Variants in ZDHHC5 observed in about 807,000 individuals in gnomAD.
ZDHHC5 encodes palmitoyltransferase ZDHHC5.
A neutral mutation model predicts 70.0 loss-of-function variants in ZDHHC5; 22 were observed. The ratio of observed to expected loss-of-function variants is 0.31; its 90% CI spans 0.22 to 0.45. The LOEUF (loss-of-function observed/expected upper bound fraction) is 0.45, where lower values mean the gene tolerates loss of function less well. ZDHHC5 is among the 20% of genes least tolerant of loss of function. The pLI is 1.00. For synonymous variants in ZDHHC5, 313 were observed against 347.8 expected (o/e 0.90, Z 1.11); for missense variants, 746 against 926.9 (o/e 0.80, Z 2.53).
At position 57,691,132 on chromosome 11, in the gene ZDHHC5, C is replaced by T. The variant is rs866161728; in HGVS notation, c.660+695C>T. Among the ~76,000 whole-genome samples the T allele has an allele frequency of 1.1e-4, 16 of 152,128 alleles. 2 individuals are homozygous for T. The South Asian group carries it at 3.1e-3, about 30-fold the overall frequency. On this transcript the variant is annotated intron_variant, in intron 6 of 11. Transcript: ENST00000287169. ...TGTCGCCCAGGCTGGCATCCAGTGG[C>T]GTGATCTTGGCTCACTGCAACCTCT...
intron 8 of ZDHHC5, 111 bp from the exon 9 acceptor site, chr11:57,695,809 A>G (rs1946342682): frequency 7.0e-7 from 1 of 1,427,806 alleles, no homozygotes; most frequent in Non-Finnish European, 9.2e-7. Context: ...AAAAAAAAAA[A>G]AATACATGAG....
intron 4 of ZDHHC5, among the ~76,000 whole-genome samples, chr11:57,689,127 T>A (rs1946248748): frequency 6.6e-6 from 1 of 152,186 alleles, no homozygotes; most frequent in Non-Finnish European, 1.5e-5. Context: ...GCATTTTCTC[T>A]TCCAGAAAAT....
At chr11:57,699,759 G>T in intron 11 of ZDHHC5, 107 bp from the exon 12 acceptor site, 2 of 1,401,664 alleles carry the variant, frequency 1.4e-6, no homozygotes, top group Non-Finnish European at 9.9e-7. Context: ...AGAAAGTATG[G>T]ATATAGAAAA....
rs778169032 is a variant in ZDHHC5 at position 57,695,975 on chromosome 11, C to T, written c.941C>T (p.Pro314Leu). 7 of 1,614,028 alleles carry T rather than the reference C, an allele frequency of 4.3e-6. No individual in the cohort carries two copies. The highest frequency in any genetic ancestry group is 5.1e-6 in the Non-Finnish European group (6 of 1,180,042). Residue 314 changes from proline (P) to leucine (L), a missense_variant, in exon 9 of 12, where the codon CCT (proline) becomes CTT (leucine). Physicochemically the swap from Pro to Leu is moderately conservative, Grantham distance 98 (BLOSUM62 -3). Around this residue, in one of 6 missense-constraint regions of ZDHHC5, gnomAD observed 179 missense variants for 178.4 expected, o/e 1.00. Coordinates refer to ENST00000287169, the MANE Select transcript of ZDHHC5 (RefSeq NM_015457.3). ...ESQSADAEPP[P>L]PPKPDLSRYT... ...CAGTCTGCAGATGCTGAACCTCCAC[C>T]TCCTCCTAAGCCAGACCTGAGCCGT...
intron 2 of ZDHHC5, among the ~76,000 whole-genome samples, chr11:57,682,119 A>T (rs1946156773): frequency 6.6e-6 from 1 of 152,204 alleles, no homozygotes; most frequent in Non-Finnish European, 1.5e-5. Context: ...GGAGATAAGG[A>T]CAGATCTCAA....
rs751371240 is a variant in ZDHHC5 at position 57,698,870 on chromosome 11, C to G, written c.1434C>G (p.Asp478Glu). 59 of 1,614,116 alleles carry G rather than the reference C, an allele frequency of 3.7e-5. No individual in the cohort carries two copies. Among genetic ancestry groups the G allele is most frequent in the Non-Finnish European group, 4.1e-5 (48 of 1,180,046 alleles). ...ATGACAGCTTGCTCACACCTTCAGACAGCCCTGATTTTGAGTCAGTGCAGG... is the reference window on the plus strand; with the variant it reads ...ATGACAGCTTGCTCACACCTTCAGAGAGCCCTGATTTTGAGTCAGTGCAGG... ...LSYDSLLTPS[D>E]SPDFESVQAG... The change falls in exon 11 of 12, where the codon GAC becomes GAG. Residue 478 changes from aspartate (D) to glutamate (E), a missense_variant. This residue lies in a region of ZDHHC5 where 340 missense variants were observed against 350.1 expected (regional missense o/e 0.97). Transcript: ENST00000287169.
At chr11:57,673,926 G>A (rs899958514) in intron 2 of ZDHHC5, among the ~76,000 whole-genome samples, 7 of 152,156 alleles carry the variant, frequency 4.6e-5, no homozygotes, top group African/African-American at 1.7e-4. Flanking sequence ...TGAAACTTAG[G>A]TTTGAGATTG....
rs768199834 is a variant in ZDHHC5 at position 57,699,905 on chromosome 11, C to T, written c.2022C>T (p.Asn674=). The T allele has an allele frequency of 1.5e-5, 24 of 1,614,132 alleles. No individual in the cohort carries two copies. In the East Asian group the frequency reaches 1.8e-4, roughly 12 times the overall value. Residue 674 remains asparagine, a synonymous_variant, in exon 12 of 12, where the codon AAC becomes AAT. Transcript: ENST00000287169. ...TGAAGACCACCTACAGCAAATCCAA[C>T]GGGCAGCCCAAGAGCTTAGGCTCAG... ...VQLKTTYSKS[N]GQPKSLGSAS...
chr11:57,683,106 AG>A (rs1310780639), intron 3 of ZDHHC5, among the ~76,000 whole-genome samples: 1 of 152,230 alleles, frequency 6.6e-6, no homozygotes. Context: ...CACATGCAGA[AG>A]CTTGTAGCCA....
chr11:57,686,681 A>G (rs1397534020), intron 3 of ZDHHC5, among the ~76,000 whole-genome samples: 1 of 152,224 alleles, frequency 6.6e-6, no homozygotes, highest in Admixed American at 6.5e-5. Flanking sequence ...ACGAAGTACA[A>G]AAAAGGCAAA....
intron 2 of ZDHHC5, among the ~76,000 whole-genome samples, chr11:57,681,984 C>CT (rs1226496205): frequency 6.6e-6 from 1 of 152,152 alleles, no homozygotes; most frequent in African/African-American, 2.4e-5. Context: ...AGGTGGTATC[C>CT]CATGCTTTGG....
In ZDHHC5 at chr11:57,699,305, AC is replaced by A; in HGVS notation, c.1871del (p.Pro624GlnfsTer35). The A allele has an allele frequency of 6.2e-7, 1 of 1,614,180 alleles. No individual in the cohort carries two copies. The highest frequency in any genetic ancestry group is 8.5e-7 in the Non-Finnish European group (1 of 1,180,012). On this transcript the variant is annotated frameshift_variant, in exon 11 of 12. Transcript: ENST00000287169. LOFTEE classifies it high-confidence loss of function. ...GGGGCCGGGGAGTAGGGTCCCCTGA[AC>A]CAGGCCCAACAGCCCCATACCTGGG... is the stretch of plus-strand genomic sequence containing the variant. ...LRGRGVGSPE[P>X]GPTAPYLGRS...
At chr11:57,685,826 G>A (rs559484458) in intron 3 of ZDHHC5, among the ~76,000 whole-genome samples, 19 of 152,116 alleles carry the variant, frequency 1.2e-4, no homozygotes, top group South Asian at 2.1e-4. Flanking sequence ...TTGGGAGTTC[G>A]AGACAAGCCT....
At position 57,688,627 on chromosome 11, in the gene ZDHHC5, C is replaced by T; in HGVS notation, c.346C>T (p.Arg116Ter). The T allele has an allele frequency of 6.2e-7, 1 of 1,610,324 alleles. No homozygotes were observed. Reference protein sequence around the residue: ...CATCRFYRPPRCSHCSVCDNC... With the variant: ...CATCRFYRPP ...CACCTGCCGCTTTTACCGTCCCCCT[C>T]GATGTTCCCACTGCAGTGTCTGTGA... The change falls in exon 4 of 12, where the codon CGA becomes TGA. Residue 116 changes from arginine to a stop codon, truncating the protein, a stop_gained. Transcript: ENST00000287169. LOFTEE classifies it high-confidence loss of function.
Position 57,683,972 on chromosome 11 carries a change from AT to A in ZDHHC5, c.226+1446del, listed in dbSNP as rs11435194. 4.1e-3 allele frequency among the ~76,000 whole-genome samples: 558 copies of A among 135,850 alleles called. 2 individuals carry two copies. The highest frequency in any genetic ancestry group is 0.011 in the African/African-American group (391 of 36,234). 89.1% of individuals were successfully genotyped at this position (135,850 alleles called of 152,430 possible). Reference sequence around the variant, plus strand: ...CATTTTTTTTGGTAACTAATAATTAATTTTTTTTTTTTTTTTTGAGACAGCG... The same window carrying A: ...CATTTTTTTTGGTAACTAATAATTAATTTTTTTTTTTTTTTTGAGACAGCG... On this transcript the variant is annotated intron_variant, in intron 3 of 11. Coordinates refer to ENST00000287169, the MANE Select transcript of ZDHHC5 (RefSeq NM_015457.3).
In ZDHHC5 at chr11:57,672,279, G is replaced by T; in HGVS notation, c.-812G>T. ...GAAACAGAGCCCTTAAAGGGCTTGG[G>T]AATAACAAGAAGAGATTGAAGACAG... On this transcript the variant is annotated 5_prime_UTR_variant, in exon 2 of 12. Transcript: ENST00000287169. The T allele has an allele frequency of 5.0e-6, 2 of 398,476 alleles. No individual in the cohort carries two copies. The highest frequency in any genetic ancestry group is 1.3e-4 in the South Asian group (1 of 7,734). The allele number at this position is 398,476 out of a possible 1,614,324, so 24.7% of individuals were successfully genotyped here. A position where few individuals can be genotyped will look rare whatever the true frequency, so the allele number is the denominator to read the frequency against.
chr11:57,672,457 G>A lies in ZDHHC5; in HGVS notation c.-634G>A, dbSNP rs911114551. On this transcript the variant is annotated 5_prime_UTR_variant, in exon 2 of 12. Transcript: ENST00000287169. ...CCTGGTGAAGTCAGGGTGTGGGAGT[G>A]GTGGCATTGAGAAGACTACCTAAAA... is the stretch of plus-strand genomic sequence containing the variant. 3 of 382,776 alleles carry A rather than the reference G, an allele frequency of 7.8e-6. No individual in the cohort carries two copies. The highest frequency in any genetic ancestry group is 9.2e-6 in the Non-Finnish European group (2 of 216,704). 23.7% of individuals were successfully genotyped at this position (382,776 alleles called of 1,614,324 possible).
chr11:57,698,815 C>T lies in ZDHHC5; in HGVS notation c.1379C>T (p.Ala460Val), dbSNP rs748917437. ...ACCTCCACCTCCTATAAGAGCCTGG[C>T]CAACCAGACACGCAATGGAAGCCTA... ...GTTSTSYKSL[A>V]NQTRNGSLSY... Residue 460 changes from alanine (A) to valine (V), a missense_variant, in exon 11 of 12, where the codon GCC (alanine) becomes GTC (valine). Ala to Val is a moderately conservative substitution (Grantham distance 64). Around this residue, in one of 6 missense-constraint regions of ZDHHC5, gnomAD observed 340 missense variants for 350.1 expected, o/e 0.97. Transcript: ENST00000287169. 12 of 1,614,226 alleles carry T rather than the reference C, an allele frequency of 7.4e-6. No individual in the cohort carries two copies. The highest frequency in any genetic ancestry group is 1.0e-5 in the Non-Finnish European group (12 of 1,180,040).
chr11:57,698,270 T>C (rs1565199305), intron 10 of ZDHHC5, among the ~76,000 whole-genome samples: 3 of 152,174 alleles, frequency 2.0e-5, no homozygotes, highest in Non-Finnish European at 2.9e-5. Flanking sequence ...GTGTCCTTCA[T>C]CAGACTGGGC....
Sources: gnomAD v4.1 joint callset for allele counts (sites outside exome capture counted in the v4.1 genomes callset) on GRCh38, gnomAD v4.1.1 for gene constraint, gnomAD v4.1.1 regional missense constraint, MANE v1.5 for transcripts, NCBI Gene and HGNC (gene_info 2026-07-23, HGNC 2026-07-21) for gene names.